SRPK1: variants seen among roughly 807,000 people sequenced by gnomAD.
The protein encoded by SRPK1 is SRSF protein kinase 1, also known as SFRS protein kinase 1.
In SRPK1, 52 loss-of-function variants were observed where a neutral mutation model predicts 89.5. That is an observed-to-expected ratio of 0.58 (90% confidence interval 0.46 to 0.73). SRPK1 has a LOEUF of 0.73. SRPK1 is among the 30% of genes least tolerant of loss of function. The probability of loss-of-function intolerance (pLI) is 0.00; values close to 1 mark genes in which losing one functional copy is unlikely to be tolerated. For missense variants in SRPK1, 603 were observed against 780.6 expected, an observed-to-expected ratio of 0.77 and a Z score of 2.71; for synonymous variants, 255 against 270.2, an observed-to-expected ratio of 0.94 and a Z score of 0.55.
rs1401385964 is a variant in SRPK1, at chr6:35,846,195, C to T, written c.1621-3591G>A. Among the ~76,000 whole-genome samples the T allele has an allele frequency of 1.1e-4, 17 of 151,600 alleles. No individual in the cohort carries two copies. The South Asian group carries it at 1.5e-3, about 13-fold the overall frequency. ...GTCCCAGCACTTTGGGAGGCCAAGA[C>T]GGGAGGATTGCTTGAGCCCAGGAGT... On this transcript the variant is annotated intron_variant, in intron 13 of 15. Coordinates refer to ENST00000373825, the MANE Select transcript of SRPK1 (RefSeq NM_003137.5).
In SRPK1 at chr6:35,914,525, C is replaced by G. The variant is rs559848967; in HGVS notation, c.74+5943G>C. On this transcript the variant is annotated intron_variant, in intron 2 of 15. Coordinates refer to ENST00000373825, the MANE Select transcript of SRPK1 (RefSeq NM_003137.5). Reference sequence around the variant, plus strand: ...TTCAAATGTCACCTTTTCAGTGTGGCCTCCATCACCCTATTTAAAACTGTA... The same window carrying G: ...TTCAAATGTCACCTTTTCAGTGTGGGCTCCATCACCCTATTTAAAACTGTA... Among the ~76,000 whole-genome samples the G allele has an allele frequency of 3.3e-5, 5 of 152,290 alleles. 1 individual carries two copies. The East Asian group carries it at 7.7e-4, about 24-fold the overall frequency.
intron 14 of SRPK1, 45 bp downstream of exon 14, chr6:35,842,490 A>G: frequency 6.8e-7 from 1 of 1,475,576 alleles, no homozygotes; most frequent in South Asian, 1.3e-5. Context: ...TTAATGTGGA[A>G]AGTGTAAATA....
At chr6:35,920,250 T>A in intron 2 of SRPK1, 1 of 633,990 alleles carries the variant, frequency 1.6e-6, no homozygotes, top group Non-Finnish European at 3.0e-6. Context: ...GACAGCCCTT[T>A]CCAGCAGGCC....
At chr6:35,880,746 A>AAAAAAAAAAAGAAAG (rs1770263877) in intron 6 of SRPK1, among the ~76,000 whole-genome samples, 3 of 89,226 alleles carry the variant, frequency 3.4e-5, no homozygotes, top group Non-Finnish European at 6.7e-5. Flanking sequence ...AAAAAAAAAA[A>AAAAAAAAAAAGAAAG]AAAAGAAAAG....
intron 4 of SRPK1, 70 bp from the exon 5 acceptor site, chr6:35,888,181 T>C: frequency 9.7e-7 from 1 of 1,025,900 alleles, no homozygotes; most frequent in East Asian, 2.6e-5. Flanking sequence ...GATTTAGCTA[T>C]AAGATGGTTA....
chr6:35,909,650 C>A (rs2127267705), intron 2 of SRPK1, among the ~76,000 whole-genome samples: 2 of 152,336 alleles, frequency 1.3e-5, no homozygotes, highest in South Asian at 4.1e-4. Flanking sequence ...AATTGTAATA[C>A]CCACATGTCA....
intron 2 of SRPK1, among the ~76,000 whole-genome samples, chr6:35,905,963 T>C (rs1208631854): frequency 6.6e-6 from 1 of 152,130 alleles, no homozygotes; most frequent in Non-Finnish European, 1.5e-5. Flanking sequence ...TCACTAGTAA[T>C]AAGCTCCTTA....
At chr6:35,853,019 C>T (rs564442921) in intron 13 of SRPK1, among the ~76,000 whole-genome samples, 4 of 152,110 alleles carry the variant, frequency 2.6e-5, no homozygotes, top group Non-Finnish European at 5.9e-5. Flanking sequence ...GTAGGATGAT[C>T]GTTTGAAGCT....
intron 6 of SRPK1, among the ~76,000 whole-genome samples, chr6:35,882,004 C>T (rs1219397733): frequency 6.8e-6 from 1 of 147,834 alleles, no homozygotes; most frequent in African/African-American, 2.5e-5. Flanking sequence ...GTGTATTTTA[C>T]CACAATAAAG....
chr6:35,905,813 T>A (rs1422751030), intron 2 of SRPK1, among the ~76,000 whole-genome samples: 1 of 152,188 alleles, frequency 6.6e-6, no homozygotes, highest in South Asian at 2.1e-4. Context: ...GAGTGAAATA[T>A]AAAATCAAAC....
rs1372806565 is a variant in SRPK1, at chr6:35,920,451, T to TGG, written c.74+15_74+16dup. On this transcript the variant is annotated intron_variant, in intron 2 of 15. Transcript: ENST00000373825. The stretch of plus-strand genomic sequence containing the variant: ...GAGGAAAATCCAAAGAATGGGATGT[T>TGG]GGGGTACAAGACTCACTTCCTTTGG... 1 of 1,612,050 alleles carries TGG rather than the reference T, an allele frequency of 6.2e-7. No individual in the cohort carries two copies. The highest frequency in any genetic ancestry group is 8.5e-7 in the Non-Finnish European group (1 of 1,178,614).
At chr6:35,895,138 G>C (rs953234984) in intron 2 of SRPK1, among the ~76,000 whole-genome samples, 4 of 151,982 alleles carry the variant, frequency 2.6e-5, no homozygotes, top group South Asian at 2.1e-4. Context: ...ACATAATTAC[G>C]AATTCCAAGA....
At chr6:35,893,116 T>A (rs542072659) in intron 2 of SRPK1, among the ~76,000 whole-genome samples, 1 of 152,354 alleles carries the variant, frequency 6.6e-6, no homozygotes, top group South Asian at 2.1e-4. Context: ...GGAGTCTGAA[T>A]GAAGAACAAC....
chr6:35,892,328 TTA>T (rs1307771586), intron 2 of SRPK1, among the ~76,000 whole-genome samples: 1 of 152,188 alleles, frequency 6.6e-6, no homozygotes, highest in Non-Finnish European at 1.5e-5. Context: ...GCTCTGACAC[TTA>T]TTAGTTGCCT....
chr6:35,912,092 A>C (rs1770981241), intron 2 of SRPK1, among the ~76,000 whole-genome samples: 1 of 152,146 alleles, frequency 6.6e-6, no homozygotes, highest in South Asian at 2.1e-4. Context: ...CCAACTACTC[A>C]GGAGGCTAAG....
chr6:35,852,301 T>C (rs1339700787), intron 13 of SRPK1, among the ~76,000 whole-genome samples: 2 of 152,224 alleles, frequency 1.3e-5, no homozygotes, highest in Non-Finnish European at 2.9e-5. Context: ...ATTCTGCACA[T>C]ACCAACTGCA....
chr6:35,877,743 T>TAAGGCAGGAGAATCACTTG (rs1770185304), intron 6 of SRPK1, among the ~76,000 whole-genome samples: 1 of 151,292 alleles, frequency 6.6e-6, no homozygotes, highest in Non-Finnish European at 1.5e-5. Flanking sequence ...CTTAGGAGGC[T>TAAGGCAGGAGAATCACTTG]AAGGCAGGAG....
intron 6 of SRPK1, among the ~76,000 whole-genome samples, chr6:35,884,409 A>C (rs1308957056): frequency 6.6e-6 from 1 of 152,162 alleles, no homozygotes; most frequent in Non-Finnish European, 1.5e-5. Context: ...TGGTCCAGAG[A>C]AAAAAACGCC....
chr6:35,867,686 G>A (rs1057073985), intron 12 of SRPK1, among the ~76,000 whole-genome samples: 1 of 151,860 alleles, frequency 6.6e-6, no homozygotes, highest in East Asian at 2.0e-4. Context: ...GCATGCTGGC[G>A]CACGCCTGTA....
Sources: gnomAD v4.1 joint callset for allele counts (sites outside exome capture counted in the v4.1 genomes callset) on GRCh38, gnomAD v4.1.1 for gene constraint, MANE v1.5 for transcripts, NCBI Gene and HGNC (gene_info 2026-07-23, HGNC 2026-07-21) for gene names.